CDH18: variants seen among roughly 807,000 people sequenced by gnomAD.
CDH18 encodes the protein cadherin-18.
A neutral mutation model predicts 67.9 loss-of-function variants in CDH18; 31 were observed. The ratio of observed to expected loss-of-function variants is 0.46; its 90% CI spans 0.34 to 0.62. The LOEUF (loss-of-function observed/expected upper bound fraction) is 0.62. CDH18 is among the 20% of genes least tolerant of loss of function. The pLI, the probability that CDH18 is intolerant of heterozygous loss-of-function variation, is 0.01. For synonymous variants in CDH18, 362 were observed against 347.2 expected, an observed-to-expected ratio of 1.04 and a Z score of -0.48; for missense variants, 890 against 975.5, an observed-to-expected ratio of 0.91 and a Z score of 1.17.
intron 2 of CDH18, among the ~76,000 whole-genome samples, chr5:20,242,137 GT>G (rs1742975770): frequency 6.6e-6 from 1 of 151,412 alleles, no homozygotes; most frequent in East Asian, 1.9e-4. Flanking sequence ...GGAAATAAAA[GT>G]TTTTTAAATT....
chr5:19,510,111 C>CT (rs1165431862), intron 10 of CDH18, among the ~76,000 whole-genome samples: 1 of 152,110 alleles, frequency 6.6e-6, no homozygotes, highest in Non-Finnish European at 1.5e-5. Context: ...GAAAGAGGAA[C>CT]AGTCACACAG....
At chr5:19,626,808 G>A (rs1413322953) in intron 5 of CDH18, among the ~76,000 whole-genome samples, 2 of 152,026 alleles carry the variant, frequency 1.3e-5, no homozygotes, top group African/African-American at 2.4e-5. Context: ...GTTTTAACTA[G>A]GACTATAATA....
intron 2 of CDH18, among the ~76,000 whole-genome samples, chr5:20,164,791 C>T (rs1024724161): frequency 6.6e-6 from 1 of 152,094 alleles, no homozygotes; most frequent in African/African-American, 2.4e-5. Flanking sequence ...GAGTCCAAGT[C>T]GTTTACCTAT....
chr5:19,637,183 CCTT>C (rs1753281163), intron 5 of CDH18, among the ~76,000 whole-genome samples: 3 of 134,764 alleles, frequency 2.2e-5, no homozygotes. Context: ...TTCCTTTTTT[CCTT>C]CTTTCTTTCT....
intron 2 of CDH18, among the ~76,000 whole-genome samples, chr5:20,197,470 C>T (rs1739072149): frequency 3.9e-5 from 6 of 152,182 alleles, no homozygotes. Flanking sequence ...AAGTGTTATA[C>T]GAATGCATGC....
intron 2 of CDH18, among the ~76,000 whole-genome samples, chr5:20,034,512 C>T (rs1316821665): frequency 6.6e-6 from 1 of 152,008 alleles, no homozygotes; most frequent in Non-Finnish European, 1.5e-5. Context: ...CTGAGATTAA[C>T]ATTTGAATCA....
intron 3 of CDH18, among the ~76,000 whole-genome samples, chr5:19,810,222 C>G (rs62355780): frequency 6.6e-6 from 1 of 151,748 alleles, no homozygotes; most frequent in Admixed American, 6.6e-5. Flanking sequence ...CCCAGCTACT[C>G]GGGAGGACTG....
At chr5:20,458,595 GC>G (rs1379214083) in intron 1 of CDH18, among the ~76,000 whole-genome samples, 2 of 152,108 alleles carry the variant, frequency 1.3e-5, no homozygotes, top group Non-Finnish European at 2.9e-5. Flanking sequence ...TTCAGCCTGG[GC>G]AACAGAGCGA....
intron 1 of CDH18, among the ~76,000 whole-genome samples, chr5:20,377,468 T>C (rs1166973252): frequency 6.6e-6 from 1 of 152,220 alleles, no homozygotes; most frequent in Non-Finnish European, 1.5e-5. Flanking sequence ...TAGTTAATTG[T>C]AGGCTGTGAA....
At chr5:19,818,957 T>C (rs181466460) in intron 3 of CDH18, among the ~76,000 whole-genome samples, 127 of 152,230 alleles carry the variant, frequency 8.3e-4, no homozygotes, top group Non-Finnish European at 1.2e-4. Context: ...ATCAGATCTA[T>C]GAGATATATC....
Position 20,016,979 on chromosome 5 carries a change from C to T in CDH18, c.-517-24965G>A, listed in dbSNP as rs539159688. The stretch of plus-strand genomic sequence containing the variant: ...TTTTCAATTTCTCATGGTTCATTGT[C>T]GTTTTCTTCTAGTAAATAGCATGAT... On this transcript the variant is annotated intron_variant, in intron 2 of 14. Transcript: ENST00000507958. Among the ~76,000 whole-genome samples, 8 of 152,108 alleles carry T rather than the reference C, an allele frequency of 5.3e-5. No individual in the cohort carries two copies. The East Asian group carries it at 1.4e-3, about 26-fold the overall frequency.
At chr5:20,255,686 T>A (rs534872400) in intron 1 of CDH18, among the ~76,000 whole-genome samples, 3 of 152,084 alleles carry the variant, frequency 2.0e-5, no homozygotes, top group Middle Eastern at 3.4e-3. Context: ...TTTTAGGGCA[T>A]GACATTTTGA....
chr5:19,961,099 A>C (rs1316120743), intron 2 of CDH18, among the ~76,000 whole-genome samples: 1 of 124,744 alleles, frequency 8.0e-6, no homozygotes, highest in Non-Finnish European at 1.6e-5. Flanking sequence ...ACTACATTAT[A>C]ATTTTTTTTT....
chr5:20,466,257 T>A (rs1477072416), intron 1 of CDH18, among the ~76,000 whole-genome samples: 1 of 152,078 alleles, frequency 6.6e-6, no homozygotes, highest in African/African-American at 2.4e-5. Flanking sequence ...ATATCAAGGA[T>A]AAGGAAATTA....
intron 9 of CDH18, among the ~76,000 whole-genome samples, chr5:19,534,903 G>A (rs920190850): frequency 2.0e-5 from 3 of 152,130 alleles, no homozygotes; most frequent in Non-Finnish European, 2.9e-5. Flanking sequence ...TGACAATCAA[G>A]ACACTCAGCA....
intron 2 of CDH18, among the ~76,000 whole-genome samples, chr5:20,020,389 A>G (rs1337728541): frequency 1.3e-5 from 2 of 152,126 alleles, no homozygotes; most frequent in Non-Finnish European, 2.9e-5. Flanking sequence ...GACAATGGGG[A>G]AAATGCCTCA....
At chr5:20,041,332 A>AT (rs1740406389) in intron 2 of CDH18, among the ~76,000 whole-genome samples, 2 of 152,250 alleles carry the variant, frequency 1.3e-5, no homozygotes, top group South Asian at 4.1e-4. Context: ...CAGTCTTTTC[A>AT]TTTTTTGTGA....
intron 2 of CDH18, among the ~76,000 whole-genome samples, chr5:20,010,785 T>G (rs2150414978): frequency 6.6e-6 from 1 of 152,240 alleles, no homozygotes; most frequent in South Asian, 2.1e-4. Flanking sequence ...TCTCCTTTGT[T>G]TTTTACTGAG....
At chr5:19,721,566 G>A (rs1429978478) in intron 4 of CDH18, 100 bp from the exon 5 acceptor site, 2 of 962,318 alleles carry the variant, frequency 2.1e-6, no homozygotes, top group Non-Finnish European at 3.0e-6. Context: ...ATGGAGATCA[G>A]TACTGGTTGT....
Sources: gnomAD v4.1 joint callset for allele counts (sites outside exome capture counted in the v4.1 genomes callset) on GRCh38, gnomAD v4.1.1 for gene constraint, MANE v1.5 for transcripts, NCBI Gene and HGNC (gene_info 2026-07-23, HGNC 2026-07-21) for gene names.